Variants in MAPK6 observed in about 807,000 individuals in gnomAD.
MAPK6 encodes ERK-3.
Under a neutral mutation model 59.3 loss-of-function variants are expected in MAPK6, and 19 were observed. The observed-to-expected ratio is 0.32, with a 90% CI of 0.22 to 0.47. The LOEUF is 0.47. Ranked by LOEUF, MAPK6 falls within the 20% of genes least tolerant of loss-of-function variation. The pLI is 1.00. For missense variants in MAPK6, 724 were observed against 847.9 expected (o/e 0.85, Z 1.81); for synonymous variants, 316 against 290.3 (o/e 1.09, Z -0.90).
intron 2 of MAPK6, 38 bp from the exon 3 acceptor site, chr15:52,049,955 C>A: frequency 6.4e-7 from 1 of 1,568,442 alleles, no homozygotes; most frequent in Non-Finnish European, 8.8e-7. Flanking sequence ...TGTTCTTCAG[C>A]TAAAGTAAAA....
In MAPK6 at chr15:52,066,627, C is replaced by T. The variant is rs1429803420; in HGVS notation, c.*1627C>T. On this transcript the variant is annotated 3_prime_UTR_variant, in exon 6 of 6. Transcript: ENST00000261845. Reference sequence around the variant, plus strand: ...AATTCTATTAATATCTGCCCACCTACCTTCTCAACAACTCCATCCTCTTCA... The same window carrying T: ...AATTCTATTAATATCTGCCCACCTATCTTCTCAACAACTCCATCCTCTTCA... 1 of 150,962 alleles carries T rather than the reference C, an allele frequency of 6.6e-6. No individual in the cohort carries two copies. The highest frequency in any genetic ancestry group is 1.5e-5 in the Non-Finnish European group (1 of 67,514). 9.4% of individuals were successfully genotyped at this position (150,962 alleles called of 1,614,324 possible).
intron 4 of MAPK6, 146 bp downstream of exon 4, chr15:52,058,943 C>T: frequency 1.8e-6 from 1 of 542,386 alleles, no homozygotes; most frequent in Non-Finnish European, 2.9e-6. Context: ...AACTTCAACT[C>T]TCATTTTCCC....
intron 3 of MAPK6, among the ~76,000 whole-genome samples, chr15:52,014,069 ATTT>A (rs763328315): frequency 1.3e-4 from 19 of 140,798 alleles, no homozygotes; most frequent in African/African-American, 5.0e-4. Context: ...TTCATCTGGG[ATTT>A]TTTTTTTTTT....
At chr15:52,037,024 A>T (rs2031265636) in intron 1 of MAPK6, among the ~76,000 whole-genome samples, 1 of 152,294 alleles carries the variant, frequency 6.6e-6, no homozygotes, top group East Asian at 1.9e-4. Context: ...AATTGGCCAG[A>T]TGCGGGGCTG....
At chr15:51,988,741 TACACACACAC>T (rs35976962) in intron 2 of MAPK6, among the ~76,000 whole-genome samples, 28 of 145,698 alleles carry the variant, frequency 1.9e-4, no homozygotes, top group Admixed American at 3.5e-4. Context: ...AAAAAAAAAA[TACACACACAC>T]ACACACACAC....
rs763621068 is a variant in MAPK6, at chr15:52,064,216, A to G, written c.1382A>G (p.Glu461Gly). The part of the protein sequence containing the change: ...SSYLDNLVWR[E>G]SEVNHYYEPK... ...TATTTAGATAACTTAGTTTGGAGAG[A>G]GAGTGAAGTTAACCATTACTATGAA... The change falls in exon 6 of 6, where the codon GAG becomes GGG. Residue 461 changes from glutamate (E) to glycine (G), a missense_variant. By Grantham distance (98) the Glu-to-Gly change is moderately conservative. Coordinates refer to ENST00000261845, the MANE Select transcript of MAPK6 (RefSeq NM_002748.4). 3 of 1,611,404 alleles carry G rather than the reference A, an allele frequency of 1.9e-6. No homozygotes were observed. The highest frequency in any genetic ancestry group is 2.2e-5 in the East Asian group (1 of 44,838).
chr15:51,988,106 A>C (rs1323039933), intron 2 of MAPK6, among the ~76,000 whole-genome samples: 1 of 152,122 alleles, frequency 6.6e-6, no homozygotes, highest in Non-Finnish European at 1.5e-5. Context: ...GTAAGGATGA[A>C]GTTTATGTTT....
chr15:52,030,611 CTTTTTTTTT>C (rs11295636), intron 1 of MAPK6, among the ~76,000 whole-genome samples: 3 of 35,712 alleles, frequency 8.4e-5, no homozygotes, highest in African/African-American at 3.4e-4. Context: ...CAGAAGAAGG[CTTTTTTTTT>C]TTTTTTTTTT....
chr15:52,058,246 T>C (rs111411835), intron 3 of MAPK6, among the ~76,000 whole-genome samples: 10 of 152,212 alleles, frequency 6.6e-5, no homozygotes, highest in African/African-American at 2.4e-4. Flanking sequence ...CTTCATTTCA[T>C]TGATGTTGAA....
chr15:52,049,185 A>C (rs2141093020), intron 2 of MAPK6, among the ~76,000 whole-genome samples: 1 of 152,256 alleles, frequency 6.6e-6, no homozygotes, highest in East Asian at 1.9e-4. Flanking sequence ...TAGGATTTAT[A>C]GTAGAGGTCA....
chr15:51,984,275 G>C (rs2057183223), intron 2 of MAPK6, among the ~76,000 whole-genome samples: 1 of 151,852 alleles, frequency 6.6e-6, no homozygotes, highest in Admixed American at 6.6e-5. Flanking sequence ...TGTTTTCTAT[G>C]TTTTCAGAAA....
At position 52,067,203 on chromosome 15, in the gene MAPK6, G is replaced by A. The variant is rs1333620914; in HGVS notation, c.*2203G>A. ...AAACTGTCACCTTGGCAGTTTAGTG[G>A]CCATCTACACAATGATCTGACTTGT... is the stretch of plus-strand genomic sequence containing the variant. On this transcript the variant is annotated 3_prime_UTR_variant, in exon 6 of 6. Transcript: ENST00000261845. The A allele has an allele frequency of 6.6e-6, 1 of 151,968 alleles. No individual in the cohort carries two copies. The highest frequency in any genetic ancestry group is 1.9e-4 in the East Asian group (1 of 5,188). 9.4% of individuals were successfully genotyped at this position (151,968 alleles called of 1,614,324 possible).
At chr15:52,005,091 C>G (rs1180123531) in intron 3 of MAPK6, among the ~76,000 whole-genome samples, 2 of 152,112 alleles carry the variant, frequency 1.3e-5, no homozygotes, top group Admixed American at 6.6e-5. Flanking sequence ...ATATCTTTAC[C>G]AATTTACACA....
intron 2 of MAPK6, among the ~76,000 whole-genome samples, chr15:52,001,600 C>T (rs1319037524): frequency 6.7e-6 from 1 of 149,428 alleles, no homozygotes; most frequent in Non-Finnish European, 1.5e-5. Context: ...CCTCCTCCTG[C>T]TGGGTTCAAG....
rs1156300038 is a variant in MAPK6 at position 52,064,120 on chromosome 15, A to T, written c.1286A>T (p.Asp429Val). The T allele has an allele frequency of 9.9e-6, 16 of 1,611,940 alleles. No individual in the cohort carries two copies. Among genetic ancestry groups the T allele is most frequent in the African/African-American group, 1.3e-5 (1 of 74,922 alleles). ...ACTGAGCCTTGTTGGCAATACTCAGATCATCATGAAAACAAATATTGTGAT... is the reference window on the plus strand; with the variant it reads ...ACTGAGCCTTGTTGGCAATACTCAGTTCATCATGAAAACAAATATTGTGAT... Reference protein sequence around the residue: ...YSTEPCWQYSDHHENKYCDLE... With the variant: ...YSTEPCWQYSVHHENKYCDLE... The change falls in exon 6 of 6, where the codon GAT becomes GTT. Residue 429 changes from aspartate (D) to valine (V), a missense_variant. Physicochemically the swap from Asp to Val is radical, Grantham distance 152. This residue lies in a region of MAPK6 where 502 missense variants were observed against 507.6 expected (regional missense o/e 0.99). Coordinates refer to ENST00000261845, the MANE Select transcript of MAPK6 (RefSeq NM_002748.4).
At chr15:52,051,085 T>C (rs903773424) in intron 3 of MAPK6, among the ~76,000 whole-genome samples, 13 of 151,474 alleles carry the variant, frequency 8.6e-5, no homozygotes, top group Non-Finnish European at 1.8e-4. Context: ...TGAGACGGAG[T>C]CTTGCTCTGT....
chr15:52,042,652 A>G (rs1480434137), intron 1 of MAPK6: 2 of 152,166 alleles, frequency 1.3e-5, no homozygotes, highest in African/African-American at 4.8e-5. Context: ...ACAGTGGTGT[A>G]ATTTTTGACA....
At chr15:52,034,205 A>G (rs2031152462) in intron 1 of MAPK6, among the ~76,000 whole-genome samples, 1 of 151,978 alleles carries the variant, frequency 6.6e-6, no homozygotes, top group Admixed American at 6.6e-5. Context: ...GGCTGGTTTC[A>G]AACTCCTCAC....
intron 2 of MAPK6, among the ~76,000 whole-genome samples, chr15:52,048,994 A>G (rs1019913660): frequency 1.1e-4 from 16 of 152,210 alleles, no homozygotes; most frequent in African/African-American, 3.9e-4. Flanking sequence ...CTCCATTTCT[A>G]CATCCAACTA....
Sources: gnomAD v4.1 joint callset for allele counts (sites outside exome capture counted in the v4.1 genomes callset) on GRCh38, gnomAD v4.1.1 for gene constraint, gnomAD v4.1.1 regional missense constraint, MANE v1.5 for transcripts, NCBI Gene and HGNC (gene_info 2026-07-23, HGNC 2026-07-21) for gene names.